LMBRD1: variants seen among roughly 807,000 people sequenced by gnomAD.
LMBRD1 encodes the protein lysosomal cobalamin transport escort protein LMBD1.
A neutral mutation model predicts 74.8 loss-of-function variants in LMBRD1; 64 were observed. The ratio of observed to expected loss-of-function variants is 0.86; its 90% CI spans 0.70 to 1.05. The LOEUF (loss-of-function observed/expected upper bound fraction) is 1.05, where lower values mean the gene tolerates loss of function less well. Among genes scored for constraint, LMBRD1 ranks in the 50% least tolerant of loss-of-function variants. LMBRD1 has a pLI of 0.00. For synonymous variants in LMBRD1, 204 were observed against 216.3 expected, an observed-to-expected ratio of 0.94 and a Z score of 0.50; for missense variants, 652 against 645.9, an observed-to-expected ratio of 1.01 and a Z score of -0.10.
At chr6:69,772,608 A>G (rs1455457888) in intron 3 of LMBRD1, among the ~76,000 whole-genome samples, 4 of 152,278 alleles carry the variant, frequency 2.6e-5, no homozygotes, top group Admixed American at 6.5e-5. Context: ...AACCACTTAG[A>G]AAACATCCCC....
In LMBRD1 at chr6:69,676,365, T is replaced by C. The variant is rs931818581; in HGVS notation, c.1509+85A>G. ...TTCAATGACAGTACTATGATACAAA[T>C]GGCCTAGTAAGATAAAAAGAGTTTA... On this transcript the variant is annotated intron_variant, in intron 15 of 15. Coordinates refer to ENST00000649934, the MANE Select transcript of LMBRD1 (RefSeq NM_018368.4). 7 of 1,574,662 alleles carry C rather than the reference T, an allele frequency of 4.4e-6. No individual in the cohort carries two copies. The East Asian group carries it at 9.2e-5, about 21-fold the overall frequency.
Position 69,713,723 on chromosome 6 carries a change from A to C in LMBRD1, c.837T>G (p.Leu279=). The change falls in exon 9 of 16, where the codon CTT becomes CTG. Residue 279 remains leucine, a synonymous_variant. Coordinates refer to ENST00000649934, the MANE Select transcript of LMBRD1 (RefSeq NM_018368.4). ...ATTCTAAATGCCTCTCTCTCTTCTTAAGTGTTCGTAACCTTTCTTCAAATT... is the reference window on the plus strand; with the variant it reads ...ATTCTAAATGCCTCTCTCTCTTCTTCAGTGTTCGTAACCTTTCTTCAAATT... The part of the protein sequence containing the change: ...LKQFEERLRT[L]KKRERHLEFI... 1 of 1,613,710 alleles carries C rather than the reference A, an allele frequency of 6.2e-7. No individual in the cohort carries two copies. The highest frequency in any genetic ancestry group is 8.5e-7 in the Non-Finnish European group (1 of 1,179,726).
intron 2 of LMBRD1, among the ~76,000 whole-genome samples, chr6:69,783,063 G>A (rs535900701): frequency 6.6e-6 from 1 of 152,274 alleles, no homozygotes; most frequent in East Asian, 1.9e-4. Context: ...TATCTATGAA[G>A]TACTTTTGAG....
intron 3 of LMBRD1, among the ~76,000 whole-genome samples, chr6:69,778,237 T>A (rs1765746945): frequency 6.6e-6 from 1 of 152,248 alleles, no homozygotes; most frequent in Non-Finnish European, 1.5e-5. Context: ...TATTTCTCAC[T>A]ATAAATTAAG....
rs1293853014 is a variant in LMBRD1 at position 69,697,296 on chromosome 6, TAA to T, written c.1417+265_1417+266del. On this transcript the variant is annotated intron_variant, in intron 14 of 15. Transcript: ENST00000649934. The stretch of plus-strand genomic sequence containing the variant: ...ATGTTTTTAAGGAAAAAAAATCACT[TAA>T]GAGTGATTTCTTATTATACTAGTAA... Among the ~76,000 whole-genome samples, 6 of 152,072 alleles carry T rather than the reference TAA, an allele frequency of 3.9e-5. No homozygotes were observed. In the East Asian group the frequency reaches 5.8e-4, roughly 15 times the overall value.
chr6:69,768,345 T>C (rs1765511001), intron 3 of LMBRD1, among the ~76,000 whole-genome samples: 1 of 151,924 alleles, frequency 6.6e-6, no homozygotes, highest in Non-Finnish European at 1.5e-5. Context: ...ATACATAAAA[T>C]AAGTATATTT....
chr6:69,736,955 C>A (rs191377743), intron 7 of LMBRD1, among the ~76,000 whole-genome samples: 3 of 152,126 alleles, frequency 2.0e-5, no homozygotes, highest in Admixed American at 1.3e-4. Flanking sequence ...CATAAAAACA[C>A]AAAAATTTCA....
chr6:69,790,370 G>A lies in LMBRD1; in HGVS notation c.172C>T (p.Leu58Phe), dbSNP rs1158842514. The change falls in exon 2 of 16, where the codon CTT becomes TTT. Residue 58 changes from leucine (L) to phenylalanine (F), a missense_variant. Leu to Phe is a conservative substitution (Grantham distance 22, BLOSUM62 0). Coordinates refer to ENST00000649934, the MANE Select transcript of LMBRD1 (RefSeq NM_018368.4). ...ACTGGTAGAAGTGCTGATGTGATAA[G>A]TGCAATTGCTAGAGAAAAAATTGCT... Reference protein sequence around the residue: ...ITAIFSLAIALITSALLPVDI... With the variant: ...ITAIFSLAIAFITSALLPVDI... 1 of 1,613,620 alleles carries A rather than the reference G, an allele frequency of 6.2e-7. No individual in the cohort carries two copies.
rs138023744 is a variant in LMBRD1, at chr6:69,676,521, T to G, written c.1438A>C (p.Thr480Pro). Reference protein sequence around the residue: ...APEDQCTVTRTYLFLHKFWFF... With the variant: ...APEDQCTVTRPYLFLHKFWFF... ...CAGAACTTGTGAAGGAATAGGTATG[T>G]CCGGGTAACAGTACACTGATCTGTG... Residue 480 changes from threonine (T) to proline (P), a missense_variant, in exon 15 of 16, where the codon ACA becomes CCA. Transcript: ENST00000649934. 1 of 1,613,072 alleles carries G rather than the reference T, an allele frequency of 6.2e-7. No homozygotes were observed. The highest frequency in any genetic ancestry group is 1.3e-5 in the African/African-American group (1 of 74,902).
chr6:69,743,337 G>A (rs1165924598), intron 5 of LMBRD1, among the ~76,000 whole-genome samples: 1 of 152,104 alleles, frequency 6.6e-6, no homozygotes, highest in Non-Finnish European at 1.5e-5. Context: ...ATCTCATAGG[G>A]TTTAATACGC....
intron 7 of LMBRD1, among the ~76,000 whole-genome samples, chr6:69,733,316 C>G (rs1288752998): frequency 6.6e-6 from 1 of 152,140 alleles, no homozygotes; most frequent in Non-Finnish European, 1.5e-5. Flanking sequence ...CAAGGTGCCA[C>G]AAGGAAAGTC....
At chr6:69,723,222 G>A (rs1005534213) in intron 7 of LMBRD1, among the ~76,000 whole-genome samples, 11 of 152,030 alleles carry the variant, frequency 7.2e-5, no homozygotes, top group African/African-American at 2.7e-4. Context: ...CATTAACAAT[G>A]GAGACTTCAA....
rs555197345 is a variant in LMBRD1 at position 69,677,793 on chromosome 6, C to A, written c.1418-1252G>T. On this transcript the variant is annotated intron_variant, in intron 14 of 15. Transcript: ENST00000649934. ...ATGTGATTCCTGTTTGAACTTTAGA[C>A]GGCATTATAGATGTAATTAAAAATA... 2.6e-5 allele frequency among the ~76,000 whole-genome samples: 4 copies of A among 151,918 alleles called. No individual in the cohort carries two copies. The East Asian group carries it at 7.7e-4, about 29-fold the overall frequency.
intron 9 of LMBRD1, among the ~76,000 whole-genome samples, chr6:69,709,157 C>G (rs1167685519): frequency 6.6e-6 from 1 of 151,922 alleles, no homozygotes; most frequent in Non-Finnish European, 1.5e-5. Context: ...TCGCTTGAAC[C>G]TGGGAGGCGG....
At chr6:69,738,673 G>A (rs1330238964) in intron 6 of LMBRD1, among the ~76,000 whole-genome samples, 2 of 151,440 alleles carry the variant, frequency 1.3e-5, no homozygotes, top group Admixed American at 6.6e-5. Flanking sequence ...TTATCTAAAG[G>A]AAGGTCAAAG....
At chr6:69,678,522 T>C (rs1765594324) in intron 14 of LMBRD1, among the ~76,000 whole-genome samples, 1 of 152,170 alleles carries the variant, frequency 6.6e-6, no homozygotes, top group Non-Finnish European at 1.5e-5. Flanking sequence ...TAAAATTATA[T>C]ATGCTGCATC....
chr6:69,744,188 G>A (rs1403086807), intron 5 of LMBRD1, among the ~76,000 whole-genome samples: 1 of 152,096 alleles, frequency 6.6e-6, no homozygotes, highest in Non-Finnish European at 1.5e-5. Context: ...TTGTGTGGTA[G>A]AAAGGTGCAC....
intron 14 of LMBRD1, among the ~76,000 whole-genome samples, chr6:69,696,514 A>G (rs2149841978): frequency 6.6e-6 from 1 of 152,198 alleles, no homozygotes; most frequent in East Asian, 1.9e-4. Flanking sequence ...TCCAACCCCT[A>G]AACAAAACCA....
chr6:69,739,712 T>G (rs1366415994), intron 6 of LMBRD1, among the ~76,000 whole-genome samples: 1 of 151,966 alleles, frequency 6.6e-6, no homozygotes, highest in East Asian at 1.9e-4. Context: ...ATTGCTGGAG[T>G]GATGGATGTG....
Sources: gnomAD v4.1 joint callset for allele counts (sites outside exome capture counted in the v4.1 genomes callset) on GRCh38, gnomAD v4.1.1 for gene constraint, MANE v1.5 for transcripts, NCBI Gene and HGNC (gene_info 2026-07-23, HGNC 2026-07-21) for gene names.